The following CSNK2A1 variants were observed in gnomAD, a reference collection of about 807,000 sequenced individuals.
The protein encoded by CSNK2A1 is casein kinase 2 alpha 1, also known as casein kinase II subunit alpha.
CSNK2A1 carries 10 observed loss-of-function variants against 62.9 expected under a neutral mutation model. The observed-to-expected ratio is 0.16, with a 90% CI of 0.10 to 0.27. The LOEUF (loss-of-function observed/expected upper bound fraction) is 0.27, where lower values mean the gene tolerates loss of function less well. Ranked by LOEUF, CSNK2A1 falls within the 10% of genes least tolerant of loss-of-function variation. The probability of loss-of-function intolerance (pLI) is 1.00; values close to 1 mark genes in which losing one functional copy is unlikely to be tolerated. For synonymous variants in CSNK2A1, 124 were observed against 167.8 expected, an observed-to-expected ratio of 0.74 and a Z score of 2.02; for missense variants, 160 against 492.0, an observed-to-expected ratio of 0.33 and a Z score of 6.38.
intron 2 of CSNK2A1, among the ~76,000 whole-genome samples, chr20:522,991 T>C (rs1242000191): frequency 1.3e-5 from 2 of 152,164 alleles, no homozygotes; most frequent in Non-Finnish European, 2.9e-5. Flanking sequence ...TTCTTAGTGT[T>C]GATGACATAT....
intron 8 of CSNK2A1, among the ~76,000 whole-genome samples, chr20:493,838 G>T (rs762006102): frequency 1.3e-5 from 2 of 151,568 alleles, no homozygotes; most frequent in Non-Finnish European, 2.9e-5. Flanking sequence ...TACAAAAATG[G>T]AGTCATTGGC....
Position 508,634 on chromosome 20 carries a change from C to T in CSNK2A1, c.-83G>A. ...TGTTCAGAAGCAGCTGGGGGTAAGA[C>T]CTTGTTTCAGACCTGTTTTCTTCAA... On this transcript the variant is annotated 5_prime_UTR_variant, in exon 3 of 14. Transcript: ENST00000217244. 1 of 1,400,740 alleles carries T rather than the reference C, an allele frequency of 7.1e-7. No individual in the cohort carries two copies. Among genetic ancestry groups the T allele is most frequent in the Non-Finnish European group, 9.9e-7 (1 of 1,012,034 alleles). 86.8% of individuals were successfully genotyped at this position (1,400,740 alleles called of 1,614,324 possible).
intron 11 of CSNK2A1, chr20:488,244 C>T (rs2018143694): frequency 5.5e-6 from 1 of 180,850 alleles, no homozygotes; most frequent in South Asian, 1.2e-4. Flanking sequence ...TCTCCAACTC[C>T]TGGGCTCAAG....
chr20:522,172 T>C lies in CSNK2A1; in HGVS notation c.-110+5761A>G, dbSNP rs866078876. Among the ~76,000 whole-genome samples, 9 of 152,312 alleles carry C rather than the reference T, an allele frequency of 5.9e-5. No individual in the cohort carries two copies. In the Middle Eastern group the frequency reaches 0.01, roughly 173 times the overall value. On this transcript the variant is annotated intron_variant, in intron 2 of 13. Coordinates refer to ENST00000217244, the MANE Select transcript of CSNK2A1 (RefSeq NM_177559.3). ...AGGAGGTGGAGCTCAATTTTTCTCC[T>C]TTAAGGAAAGGAAATAAGTAAGCAT...
chr20:524,484 G>C (rs1424728362), intron 2 of CSNK2A1, among the ~76,000 whole-genome samples: 1 of 150,462 alleles, frequency 6.6e-6, no homozygotes, highest in Non-Finnish European at 1.5e-5. Flanking sequence ...GGCCAGGTGT[G>C]GTGGCTCACT....
Position 486,423 on chromosome 20 carries a change from C to G in CSNK2A1, c.1013G>C (p.Ser338Thr), listed in dbSNP as rs191244406. 5.6e-6 allele frequency: 9 copies of G among 1,613,358 alleles called. No homozygotes were observed. The South Asian group carries it at 9.9e-5, about 18-fold the overall frequency. ...GACGGGCGTACTGCCCCCTGGCATG[C>G]TAGATGAACCCATTCGAGCCTGGTC... ...VKDQARMGSS[S>T]MPGGSTPVSS... The change falls in exon 13 of 14, where the codon AGC (serine) becomes ACC (threonine). Residue 338 changes from serine to threonine, a missense_variant. Around this residue, in one of 3 missense-constraint regions of CSNK2A1, gnomAD observed 51 missense variants for 108.8 expected, o/e 0.47. Coordinates refer to ENST00000217244, the MANE Select transcript of CSNK2A1 (RefSeq NM_177559.3).
intron 4 of CSNK2A1, chr20:502,418 G>A (rs2018489961): frequency 6.6e-6 from 1 of 152,070 alleles, no homozygotes; most frequent in Non-Finnish European, 1.5e-5. Flanking sequence ...GCTTCTGGTT[G>A]ACAAAACTAC....
intron 1 of CSNK2A1, chr20:540,764 A>G (rs1600423329): frequency 6.6e-6 from 1 of 152,172 alleles, no homozygotes; most frequent in Non-Finnish European, 1.5e-5. Context: ...CTAGTGTTCT[A>G]CTGCTGCCAT....
chr20:518,280 G>A (rs540622553), intron 2 of CSNK2A1, among the ~76,000 whole-genome samples: 2 of 152,300 alleles, frequency 1.3e-5, no homozygotes, highest in East Asian at 3.9e-4. Flanking sequence ...AAAGCCCAGG[G>A]CTCTCACAAG....
chr20:539,971 C>T (rs926935501), intron 1 of CSNK2A1: 2 of 152,160 alleles, frequency 1.3e-5, no homozygotes, highest in East Asian at 1.9e-4. Flanking sequence ...AAAACAGAGC[C>T]TCCGGTCCAA....
chr20:540,079 G>C (rs117943673), intron 1 of CSNK2A1: 3 of 152,174 alleles, frequency 2.0e-5, no homozygotes, highest in East Asian at 3.8e-4. Context: ...TCCTATCTCC[G>C]TCTGAGTCAC....
intron 4 of CSNK2A1, chr20:502,690 G>C (rs1194674555): frequency 6.6e-6 from 1 of 152,162 alleles, no homozygotes; most frequent in African/African-American, 2.4e-5. Flanking sequence ...AAATCATCAA[G>C]GGCTCACAAT....
chr20:485,066 CAAA>C (rs1157352244), intron 13 of CSNK2A1, among the ~76,000 whole-genome samples: 2 of 22,018 alleles, frequency 9.1e-5, no homozygotes, highest in Non-Finnish European at 7.5e-5. Context: ...ACCTTGTCTC[CAAA>C]AAAAAAAAAA....
intron 12 of CSNK2A1, chr20:487,007 G>A (rs992793828): frequency 5.1e-6 from 1 of 195,010 alleles, no homozygotes; most frequent in African/African-American, 2.3e-5. Flanking sequence ...GTGGGTCTCA[G>A]TGGTATTTTC....
Position 478,736 on chromosome 20 carries a change from T to C in CSNK2A1, c.*5225A>G. The C allele has an allele frequency of 7.1e-6, 2 of 281,738 alleles. No homozygotes were observed. The highest frequency in any genetic ancestry group is 5.5e-5 in the Admixed American group (1 of 18,212). The allele number at this position is 281,738 out of a possible 1,614,324, so 17.5% of individuals were successfully genotyped here. A position where few individuals can be genotyped will look rare whatever the true frequency, so the allele number is the denominator to read the frequency against. On this transcript the variant is annotated 3_prime_UTR_variant, in exon 14 of 14. Coordinates refer to ENST00000217244, the MANE Select transcript of CSNK2A1 (RefSeq NM_177559.3). ...TGAGCTCAGGAGTTCAAGACCAGCCTGGGCAACACGGCAAAACTTCATCTC... is the reference window on the plus strand; with the variant it reads ...TGAGCTCAGGAGTTCAAGACCAGCCCGGGCAACACGGCAAAACTTCATCTC...
chr20:521,366 G>C (rs1347214917), intron 2 of CSNK2A1, among the ~76,000 whole-genome samples: 1 of 152,138 alleles, frequency 6.6e-6, no homozygotes, highest in Non-Finnish European at 1.5e-5. Flanking sequence ...TACCACTACA[G>C]ATTTATTAAA....
intron 1 of CSNK2A1, among the ~76,000 whole-genome samples, chr20:533,264 G>A (rs543915644): frequency 5.9e-5 from 9 of 152,260 alleles, no homozygotes; most frequent in Non-Finnish European, 8.8e-5. Flanking sequence ...TTTCTGGTTT[G>A]ATTAAGGCTT....
intron 2 of CSNK2A1, among the ~76,000 whole-genome samples, chr20:526,200 C>G (rs766638907): frequency 6.7e-6 from 1 of 149,988 alleles, no homozygotes; most frequent in Non-Finnish European, 1.5e-5. Context: ...GTGCTGAGCC[C>G]GTGGCTCATG....
At chr20:531,428 C>T (rs1427997094) in intron 1 of CSNK2A1, among the ~76,000 whole-genome samples, 7 of 152,094 alleles carry the variant, frequency 4.6e-5, no homozygotes, top group Non-Finnish European at 1.0e-4. Context: ...CTGGTTTATA[C>T]TAAATATATA....
Sources: allele counts gnomAD v4.1 joint callset (sites outside exome capture counted in the v4.1 genomes callset), GRCh38; gene constraint gnomAD v4.1.1; regional missense constraint gnomAD v4.1.1; transcripts MANE v1.5; gene names NCBI Gene and HGNC (gene_info 2026-07-23, HGNC 2026-07-21).